PTPRK: variants seen among roughly 807,000 people sequenced by gnomAD.
PTPRK encodes receptor-type tyrosine-protein phosphatase kappa.
Under a neutral mutation model 178.0 loss-of-function variants are expected in PTPRK, and 75 were observed. The observed-to-expected ratio is 0.42, with a 90% CI of 0.35 to 0.51. PTPRK has a LOEUF of 0.51. PTPRK is among the 20% of genes least tolerant of loss of function. The pLI is 0.02. For synonymous variants in PTPRK, 637 were observed against 620.6 expected, an observed-to-expected ratio of 1.03 and a Z score of -0.39; for missense variants, 1,441 against 1,797.8, an observed-to-expected ratio of 0.80 and a Z score of 3.59.
chr6:128,087,279 A>C (rs952509943), intron 8 of PTPRK, among the ~76,000 whole-genome samples: 2 of 152,182 alleles, frequency 1.3e-5, no homozygotes, highest in Non-Finnish European at 2.9e-5. Context: ...CTAAAGCAGC[A>C]CAAAACTATG....
chr6:128,476,338 G>A (rs1485963551), intron 1 of PTPRK, among the ~76,000 whole-genome samples: 4 of 151,998 alleles, frequency 2.6e-5, no homozygotes, highest in Non-Finnish European at 4.4e-5. Context: ...ACATGTATAT[G>A]TATATCAAAT....
intron 3 of PTPRK, among the ~76,000 whole-genome samples, chr6:128,266,286 T>C (rs1818934978): frequency 1.3e-5 from 2 of 152,102 alleles, no homozygotes; most frequent in Admixed American, 6.6e-5. Flanking sequence ...CTTGAACTTT[T>C]GACAATATCA....
chr6:128,069,147 T>G (rs917066933), intron 11 of PTPRK, among the ~76,000 whole-genome samples: 1 of 151,724 alleles, frequency 6.6e-6, no homozygotes, highest in Non-Finnish European at 1.5e-5. Context: ...ATTTAATTGA[T>G]AAATTACAGA....
chr6:128,003,185 T>G, intron 15 of PTPRK: 1 of 1,598,080 alleles, frequency 6.3e-7, no homozygotes, highest in Non-Finnish European at 8.5e-7. Context: ...TGATAAAGAT[T>G]TAGGGCCTCA....
At chr6:128,387,568 T>C (rs1382829086) in intron 2 of PTPRK, among the ~76,000 whole-genome samples, 1 of 152,218 alleles carries the variant, frequency 6.6e-6, no homozygotes, top group African/African-American at 2.4e-5. Context: ...ACTATCCTGC[T>C]GGTTCCCCTA....
chr6:127,970,001 T>G lies in PTPRK; in HGVS notation c.*226A>C, dbSNP rs1773732223. On this transcript the variant is annotated 3_prime_UTR_variant, in exon 30 of 30. Coordinates refer to ENST00000368226, the MANE Select transcript of PTPRK (RefSeq NM_002844.4). Reference sequence around the variant, plus strand: ...CAATCTGGTTCTTATTAAATATAATTTATGTGGCATGAAATGTTGATGCTT... The same window carrying G: ...CAATCTGGTTCTTATTAAATATAATGTATGTGGCATGAAATGTTGATGCTT... 2.3e-6 allele frequency: 1 copy of G among 427,660 alleles called. No individual in the cohort carries two copies. The highest frequency in any genetic ancestry group is 2.1e-5 in the African/African-American group (1 of 48,688). 26.5% of individuals were successfully genotyped at this position (427,660 alleles called of 1,614,324 possible). A position where few individuals can be genotyped will look rare whatever the true frequency, so the allele number is the denominator to read the frequency against.
intron 21 of PTPRK, among the ~76,000 whole-genome samples, chr6:127,987,701 T>C (rs1776140353): frequency 2.0e-5 from 3 of 152,148 alleles, no homozygotes; most frequent in African/African-American, 7.2e-5. Flanking sequence ...CTTGCTGCCT[T>C]ATTTCATTTG....
chr6:128,337,431 T>C (rs1831088037), intron 2 of PTPRK, among the ~76,000 whole-genome samples: 1 of 152,166 alleles, frequency 6.6e-6, no homozygotes, highest in Admixed American at 6.5e-5. Flanking sequence ...AAGTGCTAAA[T>C]ATTGTACAGG....
At chr6:128,212,434 CAGAT>C (rs1389267398) in intron 6 of PTPRK, among the ~76,000 whole-genome samples, 2 of 151,828 alleles carry the variant, frequency 1.3e-5, no homozygotes, top group Non-Finnish European at 2.9e-5. Context: ...AAATGATTAA[CAGAT>C]AGGGGAATAT....
At chr6:128,099,475 T>C (rs1417401301) in intron 7 of PTPRK, among the ~76,000 whole-genome samples, 1 of 152,066 alleles carries the variant, frequency 6.6e-6, no homozygotes, top group Admixed American at 6.6e-5. Flanking sequence ...GTTCTTCTCA[T>C]TTTGTTCCTT....
intron 2 of PTPRK, among the ~76,000 whole-genome samples, chr6:128,393,194 A>C (rs1174022733): frequency 6.6e-6 from 1 of 151,172 alleles, no homozygotes; most frequent in Non-Finnish European, 1.5e-5. Flanking sequence ...CAGTTCAAGC[A>C]ATTCTCCTTC....
At chr6:128,000,419 A>C in intron 15 of PTPRK, 1 of 799,308 alleles carries the variant, frequency 1.3e-6, no homozygotes, top group South Asian at 2.2e-5. Context: ...ACTCCCTCTT[A>C]TTAAGCTGAA....
At chr6:128,283,700 A>T (rs989184474) in intron 3 of PTPRK, among the ~76,000 whole-genome samples, 9 of 152,226 alleles carry the variant, frequency 5.9e-5, no homozygotes, top group Non-Finnish European at 1.0e-4. Context: ...AGCATTTATT[A>T]TATTAAGAAA....
At chr6:128,095,462 A>G (rs1163763318) in intron 7 of PTPRK, among the ~76,000 whole-genome samples, 1 of 152,152 alleles carries the variant, frequency 6.6e-6, no homozygotes, top group Non-Finnish European at 1.5e-5. Flanking sequence ...GCCTGAAGCC[A>G]TGGTTTTTAG....
chr6:128,058,543 GC>G (rs1780285657), intron 13 of PTPRK, among the ~76,000 whole-genome samples: 1 of 151,792 alleles, frequency 6.6e-6, no homozygotes, highest in Non-Finnish European at 1.5e-5. Flanking sequence ...TTTTTGATAT[GC>G]CTTATTTCAG....
chr6:128,197,843 C>T (rs1805177625), intron 6 of PTPRK, among the ~76,000 whole-genome samples: 1 of 152,116 alleles, frequency 6.6e-6, no homozygotes. Context: ...ATAGCACTCG[C>T]ATTGAGAGGC....
chr6:128,009,358 A>G, intron 13 of PTPRK, 90 bp from the exon 14 acceptor site: 1 of 1,203,638 alleles, frequency 8.3e-7, no homozygotes, highest in South Asian at 1.4e-5. Context: ...AAGAAACACA[A>G]CTTGTTTATT....
At chr6:128,317,498 C>T (rs774124257) in intron 3 of PTPRK, among the ~76,000 whole-genome samples, 6 of 151,898 alleles carry the variant, frequency 4.0e-5, no homozygotes, top group South Asian at 2.1e-4. Flanking sequence ...AATTCTGCCA[C>T]GTGTCTCATA....
chr6:128,082,659 AT>A, intron 9 of PTPRK, 21 bp from the exon 10 acceptor site: 1 of 1,527,414 alleles, frequency 6.5e-7, no homozygotes, highest in Non-Finnish European at 9.0e-7. Context: ...AAATACATTT[AT>A]TACATATCTA....
Sources: gnomAD v4.1 joint callset for allele counts (sites outside exome capture counted in the v4.1 genomes callset) on GRCh38, gnomAD v4.1.1 for gene constraint, MANE v1.5 for transcripts, NCBI Gene and HGNC (gene_info 2026-07-23, HGNC 2026-07-21) for gene names.